The following C16orf95 variants were observed in gnomAD, a reference collection of about 807,000 sequenced individuals.
The protein encoded by C16orf95 is chromosome 16 open reading frame 95, also known as uncharacterized protein C16orf95.
C16orf95 carries 41 observed loss-of-function variants against 32.1 expected under a neutral mutation model. The observed-to-expected ratio is 1.28, with a 90% CI of 1.00 to 1.66. The LOEUF (loss-of-function observed/expected upper bound fraction) is 1.66. Ranked by LOEUF, C16orf95 falls within the 40% of genes most tolerant of loss-of-function variation. The pLI is 0.00. For synonymous variants in C16orf95, 147 were observed against 128.9 expected, an observed-to-expected ratio of 1.14 and a Z score of -0.95; for missense variants, 399 against 325.9, an observed-to-expected ratio of 1.22 and a Z score of -1.73.
chr16:87,303,281 G>C, intron 6 of C16orf95: 1 of 567,832 alleles, frequency 1.8e-6, no homozygotes, highest in Non-Finnish European at 3.2e-6. Flanking sequence ...CCGCAGGACT[G>C]GGGTGAGGCA....
chr16:87,317,299 G>A lies in C16orf95; in HGVS notation c.-57C>T, dbSNP rs1904394759. 1.7e-5 allele frequency: 25 copies of A among 1,455,922 alleles called. No homozygotes were observed. Among genetic ancestry groups the A allele is most frequent in the Non-Finnish European group, 2.1e-5 (23 of 1,102,856 alleles). The allele number at this position is 1,455,922 out of a possible 1,614,324, so 90.2% of individuals were successfully genotyped here. A position where few individuals can be genotyped will look rare whatever the true frequency, so the allele number is the denominator to read the frequency against. On this transcript the variant is annotated 5_prime_UTR_variant, in exon 1 of 7. Coordinates refer to ENST00000567970, the MANE Select transcript of C16orf95 (RefSeq NM_001195124.3). ...ACACACATCGTCCGCAGGCCCTGAC[G>A]CCCTGGCTCCCGCCTTTCCCTCCTG...
intron 5 of C16orf95, among the ~76,000 whole-genome samples, chr16:87,308,916 G>C (rs1416974659): frequency 6.6e-6 from 1 of 152,216 alleles, no homozygotes; most frequent in African/African-American, 2.4e-5. Context: ...CTGTTGGCTA[G>C]TGTTTCTGCT....
At chr16:87,313,628 G>T (rs1911380923) in intron 3 of C16orf95, among the ~76,000 whole-genome samples, 1 of 152,114 alleles carries the variant, frequency 6.6e-6, no homozygotes, top group South Asian at 2.1e-4. Flanking sequence ...CCAGCTACTT[G>T]GGGGGTGAGG....
At chr16:87,314,907 G>A (rs1427547239) in intron 3 of C16orf95, 64 bp downstream of exon 3, 2 of 1,404,382 alleles carry the variant, frequency 1.4e-6, no homozygotes, top group Admixed American at 2.4e-5. Context: ...ATTCTGAGGG[G>A]TGACTGGTCA....
chr16:87,313,191 A>AT (rs1184592597), intron 3 of C16orf95, among the ~76,000 whole-genome samples: 1 of 119,956 alleles, frequency 8.3e-6, no homozygotes, highest in Non-Finnish European at 2.0e-5. Flanking sequence ...TCACATGGAA[A>AT]TTAAAAAAAA....
chr16:87,308,065 G>C (rs931341737), intron 5 of C16orf95, among the ~76,000 whole-genome samples: 4 of 152,198 alleles, frequency 2.6e-5, no homozygotes, highest in African/African-American at 9.6e-5. Flanking sequence ...CTCTCACAAA[G>C]TTGCACTGGT....
intron 6 of C16orf95, 104 bp from the exon 7 acceptor site, chr16:87,303,179 G>A (rs562527639): frequency 4.5e-6 from 5 of 1,103,114 alleles, no homozygotes; most frequent in East Asian, 2.6e-5. Flanking sequence ...AGGCAGAGGC[G>A]CTCCACAGTG....
chr16:87,306,823 C>G (rs1911050891), intron 5 of C16orf95, among the ~76,000 whole-genome samples: 1 of 152,146 alleles, frequency 6.6e-6, no homozygotes, highest in Non-Finnish European at 1.5e-5. Context: ...TATAAGTCAC[C>G]TAAACTACAA....
At position 87,305,402 on chromosome 16, in the gene C16orf95, A is replaced by G. The variant is rs143653119; in HGVS notation, c.701+317T>C. Among the ~76,000 whole-genome samples the G allele has an allele frequency of 0.013, 2,032 of 151,582 alleles. 22 individuals carry two copies. Among genetic ancestry groups the G allele is most frequent in the Non-Finnish European group, 0.021 (1,444 of 67,760 alleles). The stretch of plus-strand genomic sequence containing the variant: ...GATGCACCGTCAACCCCAACATAAC[A>G]ATGAAAATTTATGGAAACTGGGACC... On this transcript the variant is annotated intron_variant, in intron 6 of 6. Transcript: ENST00000567970. This position sits in a 1 kb window ranked among gnomAD's most constrained non-coding sequence, Gnocchi z 4.2.
chr16:87,311,272 T>C lies in C16orf95; in HGVS notation c.355A>G (p.Ile119Val), dbSNP rs1911273905. The change falls in exon 4 of 7, where the codon ATC (isoleucine) becomes GTC (valine). Residue 119 changes from isoleucine to valine, a missense_variant. Coordinates refer to ENST00000567970, the MANE Select transcript of C16orf95 (RefSeq NM_001195124.3). ...GGGCACATCTTGGCGGTTTGGGGGA[T>C]AGGAAATTGAACCGTCTTTTGACTC... ...KQSQKTVQFP[I>V]PQTAKMCPCL... 2 of 1,534,794 alleles carry C rather than the reference T, an allele frequency of 1.3e-6. No homozygotes were observed. The highest frequency in any genetic ancestry group is 1.7e-6 in the Non-Finnish European group (2 of 1,146,046).
chr16:87,303,981 C>A (rs375659742), intron 6 of C16orf95, among the ~76,000 whole-genome samples: 9 of 152,270 alleles, frequency 5.9e-5, no homozygotes, highest in African/African-American at 2.2e-4. Context: ...CCCTTTTGGG[C>A]CCCCTGACCA....
chr16:87,315,954 G>C (rs923716676), intron 1 of C16orf95, 131 bp from the exon 2 acceptor site: 17 of 507,832 alleles, frequency 3.3e-5, no homozygotes, highest in Middle Eastern at 3.1e-4. Context: ...GGGATGGGGG[G>C]ATCCTCTGAG....
intron 5 of C16orf95, among the ~76,000 whole-genome samples, chr16:87,309,719 C>T (rs1256715212): frequency 2.6e-5 from 4 of 152,004 alleles, no homozygotes; most frequent in Non-Finnish European, 4.4e-5. Context: ...TTTCAAGGCC[C>T]CTCACATGAA....
intron 6 of C16orf95, chr16:87,303,408 A>G (rs1410305398): frequency 7.3e-6 from 2 of 274,420 alleles, no homozygotes; most frequent in Admixed American, 9.0e-5. Context: ...GCTCCCTGCC[A>G]AGAGATTCTA....
intron 5 of C16orf95, 84 bp downstream of exon 5, chr16:87,310,213 G>C: frequency 7.4e-7 from 1 of 1,350,724 alleles, no homozygotes; most frequent in Non-Finnish European, 1.0e-6. Context: ...GGTGATGAGA[G>C]GTCTGCCCCC....
At chr16:87,309,223 G>A (rs1332031765) in intron 5 of C16orf95, among the ~76,000 whole-genome samples, 2 of 151,896 alleles carry the variant, frequency 1.3e-5, no homozygotes, top group Non-Finnish European at 2.9e-5. Flanking sequence ...TTAAACTGAT[G>A]TCTTTTCCTT....
At chr16:87,306,122 T>C (rs1911018188) in intron 5 of C16orf95, 3 of 412,700 alleles carry the variant, frequency 7.3e-6, no homozygotes, top group South Asian at 1.5e-4. Flanking sequence ...GGGGCTGTTT[T>C]TCAAGAGGCT....
At chr16:87,315,533 A>G (rs542992166) in intron 2 of C16orf95, among the ~76,000 whole-genome samples, 3 of 152,232 alleles carry the variant, frequency 2.0e-5, no homozygotes, top group Admixed American at 1.3e-4. Flanking sequence ...CATCACCTCC[A>G]GGGGCACACG....
At chr16:87,303,337 G>C in intron 6 of C16orf95, 1 of 498,460 alleles carries the variant, frequency 2.0e-6, no homozygotes, top group Non-Finnish European at 3.7e-6. Context: ...GATAATGCTG[G>C]CTTTGCAGAA....
Sources: allele counts gnomAD v4.1 joint callset (sites outside exome capture counted in the v4.1 genomes callset), GRCh38; gene constraint gnomAD v4.1.1; non-coding constraint Gnocchi (gnomAD v3.1); transcripts MANE v1.5; gene names NCBI Gene and HGNC (gene_info 2026-07-23, HGNC 2026-07-21).